MORC1: variants seen among roughly 807,000 people sequenced by gnomAD.
MORC1 encodes MORC family CW-type zinc finger 1.
Under a neutral mutation model 134.9 loss-of-function variants are expected in MORC1, and 59 were observed. The ratio of observed to expected loss-of-function variants is 0.44; its 90% CI spans 0.35 to 0.54. The LOEUF (loss-of-function observed/expected upper bound fraction) is 0.54. Among genes scored for constraint, MORC1 ranks in the 20% least tolerant of loss-of-function variants. MORC1 has a pLI of 0.00. For synonymous variants in MORC1, 395 were observed against 391.7 expected, an observed-to-expected ratio of 1.01 and a Z score of -0.10; for missense variants, 947 against 1,134.5, an observed-to-expected ratio of 0.83 and a Z score of 2.37.
intron 17 of MORC1, among the ~76,000 whole-genome samples, chr3:109,010,756 C>G (rs1948663177): frequency 6.6e-6 from 1 of 152,180 alleles, no homozygotes; most frequent in Non-Finnish European, 1.5e-5. Flanking sequence ...TAAGTGAAAT[C>G]ACACAGTATG....
intron 1 of MORC1, among the ~76,000 whole-genome samples, chr3:109,116,247 A>G (rs1397714432): frequency 6.6e-6 from 1 of 152,178 alleles, no homozygotes; most frequent in Non-Finnish European, 1.5e-5. Context: ...CTTTCCAGGA[A>G]AATGGACCAT....
intron 14 of MORC1, among the ~76,000 whole-genome samples, chr3:109,049,869 T>C (rs1949781227): frequency 6.6e-6 from 1 of 152,198 alleles, no homozygotes; most frequent in African/African-American, 2.4e-5. Context: ...TGTTTCCAGA[T>C]GATACACTTT....
chr3:109,087,178 C>A (rs1331687076), intron 8 of MORC1, among the ~76,000 whole-genome samples: 1 of 40,020 alleles, frequency 2.5e-5, no homozygotes, highest in African/African-American at 7.0e-5. Context: ...AACCACCTGG[C>A]AAACAAGGGA....
intron 14 of MORC1, among the ~76,000 whole-genome samples, chr3:109,045,098 G>A (rs924243613): frequency 2.6e-5 from 4 of 152,120 alleles, no homozygotes; most frequent in Admixed American, 6.5e-5. Flanking sequence ...AGCTTTGATG[G>A]TCTCCATCAA....
At chr3:109,076,403 G>A (rs1050328508) in intron 8 of MORC1, among the ~76,000 whole-genome samples, 1 of 152,176 alleles carries the variant, frequency 6.6e-6, no homozygotes, top group African/African-American at 2.4e-5. Flanking sequence ...TTCAACCATT[G>A]TGGAAGACAG....
intron 20 of MORC1, among the ~76,000 whole-genome samples, chr3:109,004,242 T>A (rs142947559): frequency 1.1e-3 from 174 of 152,344 alleles, no homozygotes; most frequent in African/African-American, 4.0e-3. Context: ...TCAGAGCCTA[T>A]AGCAGTTCAT....
intron 16 of MORC1, 142 bp downstream of exon 16, chr3:109,032,578 T>C: frequency 1.6e-6 from 1 of 608,458 alleles, no homozygotes. Context: ...TTTGCACAGG[T>C]AGCAGGGCAT....
At chr3:109,039,807 T>C (rs1021413087) in intron 14 of MORC1, among the ~76,000 whole-genome samples, 31 of 152,160 alleles carry the variant, frequency 2.0e-4, no homozygotes, top group Admixed American at 1.9e-3. Flanking sequence ...AGGCCATTTT[T>C]GTTATGCCTC....
chr3:108,968,235 C>A (rs999812039), intron 26 of MORC1, among the ~76,000 whole-genome samples: 5 of 152,176 alleles, frequency 3.3e-5, no homozygotes, highest in African/African-American at 1.2e-4. Flanking sequence ...GCTTTTACAG[C>A]AAAATGTTAT....
chr3:109,090,164 A>T lies in MORC1; in HGVS notation c.689+3272T>A, dbSNP rs559452725. On this transcript the variant is annotated intron_variant, in intron 8 of 27. Coordinates refer to ENST00000232603, the MANE Select transcript of MORC1 (RefSeq NM_014429.4). ...GTCACCTTTAAACTGATATTGCCAA[A>T]CCACAGGCCACCACTGTTCATGTGC... 1.2e-4 allele frequency among the ~76,000 whole-genome samples: 18 copies of T among 152,152 alleles called. No individual in the cohort carries two copies. In the East Asian group the frequency reaches 3.5e-3, roughly 29 times the overall value.
At chr3:108,961,726 C>A (rs960347854) in intron 27 of MORC1, among the ~76,000 whole-genome samples, 1 of 152,210 alleles carries the variant, frequency 6.6e-6, no homozygotes, top group Non-Finnish European at 1.5e-5. Flanking sequence ...AACTTGCCTA[C>A]CAAACTTTGT....
intron 4 of MORC1, among the ~76,000 whole-genome samples, chr3:109,102,965 T>G (rs1439409021): frequency 1.3e-5 from 2 of 152,170 alleles, no homozygotes; most frequent in Admixed American, 6.5e-5. Context: ...CTTTCTAAAC[T>G]TGCTAATACT....
intron 17 of MORC1, among the ~76,000 whole-genome samples, chr3:109,025,672 C>T (rs527323777): frequency 6.6e-6 from 1 of 152,220 alleles, no homozygotes; most frequent in African/African-American, 2.4e-5. Flanking sequence ...TGTGAGCCAC[C>T]ATGCCCAACA....
At chr3:109,053,395 C>A (rs1156722609) in intron 14 of MORC1, among the ~76,000 whole-genome samples, 2 of 152,002 alleles carry the variant, frequency 1.3e-5, no homozygotes, top group Non-Finnish European at 2.9e-5. Context: ...CAACAGTGGA[C>A]TGGATAAAGA....
intron 6 of MORC1, 106 bp from the exon 7 acceptor site, chr3:109,095,174 C>G (rs1030435538): frequency 9.0e-7 from 1 of 1,106,684 alleles, no homozygotes; most frequent in African/African-American, 1.6e-5. Context: ...TTACAAAACA[C>G]TAAGTTAAAA....
At chr3:109,116,672 C>T (rs919382867) in intron 1 of MORC1, among the ~76,000 whole-genome samples, 4 of 152,082 alleles carry the variant, frequency 2.6e-5, no homozygotes, top group East Asian at 1.9e-4. Flanking sequence ...CCCAGCTACT[C>T]GGAAGGCTGA....
chr3:108,971,033 G>C (rs766809339), intron 25 of MORC1, among the ~76,000 whole-genome samples: 2 of 152,166 alleles, frequency 1.3e-5, no homozygotes, highest in Non-Finnish European at 2.9e-5. Flanking sequence ...CTGAGGAGAT[G>C]TATCTAAGGA....
At chr3:109,022,628 G>A (rs1272577389) in intron 17 of MORC1, among the ~76,000 whole-genome samples, 3 of 152,174 alleles carry the variant, frequency 2.0e-5, no homozygotes, top group African/African-American at 7.2e-5. Context: ...AAATACAACA[G>A]TTTATTGTGA....
At chr3:109,071,990 C>T (rs896918072) in intron 8 of MORC1, among the ~76,000 whole-genome samples, 3 of 152,146 alleles carry the variant, frequency 2.0e-5, no homozygotes, top group African/African-American at 4.8e-5. Context: ...TATGTTAACC[C>T]TTTTCTCTCA....
Sources: gnomAD v4.1 joint callset for allele counts (sites outside exome capture counted in the v4.1 genomes callset) on GRCh38, gnomAD v4.1.1 for gene constraint, MANE v1.5 for transcripts, NCBI Gene and HGNC (gene_info 2026-07-23, HGNC 2026-07-21) for gene names.